The following POU6F2 variants were observed in gnomAD, a reference collection of about 807,000 sequenced individuals.
POU6F2 encodes POU domain, class 6, transcription factor 2.
A neutral mutation model predicts 71.3 loss-of-function variants in POU6F2; 31 were observed. The ratio of observed to expected loss-of-function variants is 0.43; its 90% CI spans 0.33 to 0.59. The LOEUF (loss-of-function observed/expected upper bound fraction) is 0.59, where lower values mean the gene tolerates loss of function less well. POU6F2 is among the 20% of genes least tolerant of loss of function. POU6F2 has a pLI of 0.04. For synonymous variants in POU6F2, 347 were observed against 355.7 expected (o/e 0.98, Z 0.27); for missense variants, 783 against 856.8 (o/e 0.91, Z 1.07).
intron 2 of POU6F2, among the ~76,000 whole-genome samples, chr7:39,153,903 G>C (rs1466931895): frequency 6.6e-6 from 1 of 152,166 alleles, no homozygotes; most frequent in Admixed American, 6.5e-5. Flanking sequence ...CTTGCCACTG[G>C]TGTAAACATG....
chr7:39,451,334 C>T (rs534045744), intron 7 of POU6F2, among the ~76,000 whole-genome samples, 199 bp from the exon 8 acceptor site: 1 of 149,380 alleles, frequency 6.7e-6, no homozygotes, highest in South Asian at 2.1e-4. Flanking sequence ...TAATAAAATG[C>T]CTGTCAAGCA....
At chr7:39,335,570 G>C (rs1054771109) in intron 4 of POU6F2, among the ~76,000 whole-genome samples, 2 of 152,144 alleles carry the variant, frequency 1.3e-5, no homozygotes, top group African/African-American at 4.8e-5. Context: ...GTTTTGGGAA[G>C]TGCCCAGGGT....
intron 2 of POU6F2, among the ~76,000 whole-genome samples, chr7:39,104,432 G>A (rs895744095): frequency 3.3e-5 from 5 of 152,286 alleles, no homozygotes; most frequent in East Asian, 1.9e-4. Flanking sequence ...TGATCTGCCC[G>A]GTGGCTGGAA....
chr7:39,130,066 C>CAAAA (rs572365688), intron 2 of POU6F2, among the ~76,000 whole-genome samples: 8 of 44,576 alleles, frequency 1.8e-4, no homozygotes, highest in East Asian at 1.8e-3. Flanking sequence ...GACTCCATCT[C>CAAAA]AAAAAAAAAA....
chr7:39,313,874 A>G (rs971527892), intron 4 of POU6F2, among the ~76,000 whole-genome samples: 2 of 152,344 alleles, frequency 1.3e-5, no homozygotes, highest in Admixed American at 6.5e-5. Context: ...CAGCGTCTTC[A>G]TAAATGCTGA....
chr7:39,025,850 T>G (rs1341834008), intron 1 of POU6F2, among the ~76,000 whole-genome samples: 2 of 151,712 alleles, frequency 1.3e-5, no homozygotes, highest in Non-Finnish European at 2.9e-5. Context: ...AACCTACTCA[T>G]CTGACAAAGG....
chr7:39,323,147 C>T (rs1443655323), intron 4 of POU6F2, among the ~76,000 whole-genome samples: 1 of 151,666 alleles, frequency 6.6e-6, no homozygotes, highest in Non-Finnish European at 1.5e-5. Context: ...AAAATGGTTA[C>T]CTTCTTTAGG....
chr7:39,198,220 G>A (rs901004805), intron 2 of POU6F2, among the ~76,000 whole-genome samples: 3 of 152,048 alleles, frequency 2.0e-5, no homozygotes, highest in African/African-American at 7.2e-5. Flanking sequence ...AAATTTTGAA[G>A]AAAAAAGTCA....
intron 5 of POU6F2, among the ~76,000 whole-genome samples, chr7:39,397,625 TA>T (rs1787201303): frequency 6.8e-6 from 1 of 148,046 alleles, no homozygotes; most frequent in Non-Finnish European, 1.5e-5. Context: ...CCCGAGTAGC[TA>T]GGATTACAGG....
intron 2 of POU6F2, among the ~76,000 whole-genome samples, chr7:39,129,522 C>A (rs1792211157): frequency 1.3e-5 from 2 of 152,092 alleles, no homozygotes; most frequent in Admixed American, 1.3e-4. Context: ...GATGGGCATT[C>A]TTTGGCATTT....
intron 1 of POU6F2, among the ~76,000 whole-genome samples, chr7:39,000,186 G>GT (rs1332904661): frequency 6.6e-6 from 1 of 151,882 alleles, no homozygotes; most frequent in African/African-American, 2.4e-5. Context: ...CAGCAAGCAT[G>GT]TTTGGGGGGA....
chr7:39,138,333 G>A (rs1361604322), intron 2 of POU6F2, among the ~76,000 whole-genome samples: 11 of 152,152 alleles, frequency 7.2e-5, no homozygotes, highest in Non-Finnish European at 1.5e-5. Context: ...CCAACCCCTG[G>A]ATCATGGATC....
chr7:39,051,528 C>T (rs908788665), intron 1 of POU6F2, among the ~76,000 whole-genome samples: 1 of 152,102 alleles, frequency 6.6e-6, no homozygotes, highest in African/African-American at 2.4e-5. Flanking sequence ...AAGCTTTTCA[C>T]ATATACTCTA....
intron 1 of POU6F2, among the ~76,000 whole-genome samples, chr7:38,998,832 T>TA (rs1229662842): frequency 7.0e-6 from 1 of 143,830 alleles, no homozygotes; most frequent in African/African-American, 2.6e-5. Flanking sequence ...TTTTTTTTTT[T>TA]TTTTTTTATT....
rs372767729 is a variant in POU6F2 at position 38,981,044 on chromosome 7, G to A, written c.105+2986G>A. On this transcript the variant is annotated intron_variant, in intron 1 of 9. Transcript: ENST00000518318. ...TCCCTGCCTAGTATATCAAGATGAA[G>A]AAACTTGGTTCATTCACACAATTTT... Among the ~76,000 whole-genome samples the A allele has an allele frequency of 3.9e-5, 6 of 152,298 alleles. No homozygotes were observed. In the East Asian group the frequency reaches 9.6e-4, roughly 24 times the overall value.
chr7:38,986,368 G>A (rs1788464662), intron 1 of POU6F2, among the ~76,000 whole-genome samples: 1 of 152,048 alleles, frequency 6.6e-6, no homozygotes, highest in South Asian at 2.1e-4. Flanking sequence ...AAGAATTCGA[G>A]TACATAGTCG....
At chr7:39,225,570 G>A (rs1029566463) in intron 4 of POU6F2, among the ~76,000 whole-genome samples, 8 of 151,916 alleles carry the variant, frequency 5.3e-5, no homozygotes, top group African/African-American at 2.4e-5. Flanking sequence ...CAATGTACTG[G>A]GGTTGAATTT....
At chr7:39,147,226 G>T (rs1268864184) in intron 2 of POU6F2, among the ~76,000 whole-genome samples, 2 of 151,920 alleles carry the variant, frequency 1.3e-5, no homozygotes, top group African/African-American at 4.8e-5. Context: ...AAAGTAATTG[G>T]GGTGTTTGCC....
In POU6F2 at chr7:39,452,219, C is replaced by T. The variant is rs925434062; in HGVS notation, c.1489+518C>T. Reference sequence around the variant, plus strand: ...TGGCATGTGGGGGAAGCTGCATGGGCCGGAATCAGATGAGAAATCTCTGAA... The same window carrying T: ...TGGCATGTGGGGGAAGCTGCATGGGTCGGAATCAGATGAGAAATCTCTGAA... On this transcript the variant is annotated intron_variant, in intron 8 of 9. Coordinates refer to ENST00000518318, the MANE Select transcript of POU6F2 (RefSeq NM_001370959.1). Among the ~76,000 whole-genome samples the T allele has an allele frequency of 2.6e-5, 4 of 152,118 alleles. No individual in the cohort carries two copies. The East Asian group carries it at 5.8e-4, about 22-fold the overall frequency.
Sources: gnomAD v4.1 joint callset for allele counts (sites outside exome capture counted in the v4.1 genomes callset) on GRCh38, gnomAD v4.1.1 for gene constraint, MANE v1.5 for transcripts, NCBI Gene and HGNC (gene_info 2026-07-23, HGNC 2026-07-21) for gene names.